The following COL14A1 variants were observed in gnomAD, a reference collection of about 807,000 sequenced individuals.
The protein encoded by COL14A1 is collagen type XIV alpha 1 chain.
A neutral mutation model predicts 230.3 loss-of-function variants in COL14A1; 136 were observed. The observed-to-expected ratio is 0.59, with a 90% CI of 0.51 to 0.68. COL14A1 has a LOEUF of 0.68. Ranked by LOEUF, COL14A1 falls within the 30% of genes least tolerant of loss-of-function variation. The probability of loss-of-function intolerance (pLI) is 0.00; values close to 1 mark genes in which losing one functional copy is unlikely to be tolerated. For missense variants in COL14A1, 1,976 were observed against 2,215.8 expected (o/e 0.89, Z 2.17); for synonymous variants, 792 against 784.1 (o/e 1.01, Z -0.17).
chr8:120,370,531 C>T (rs2130406008), intron 47 of COL14A1: 1 of 1,475,650 alleles, frequency 6.8e-7, no homozygotes, highest in Non-Finnish European at 8.9e-7. Context: ...AACCTCTTGC[C>T]CACTCTGCTC....
chr8:120,217,743 G>T (rs2130781219), intron 14 of COL14A1, among the ~76,000 whole-genome samples: 1 of 151,856 alleles, frequency 6.6e-6, no homozygotes, highest in African/African-American at 2.4e-5. Flanking sequence ...GCAGTAAAAA[G>T]ATTGAAATAA....
intron 23 of COL14A1, among the ~76,000 whole-genome samples, chr8:120,256,232 C>G (rs1819146367): frequency 6.6e-6 from 1 of 152,104 alleles, no homozygotes; most frequent in Non-Finnish European, 1.5e-5. Flanking sequence ...GGCAAATGAT[C>G]TTGGTTTCCC....
intron 1 of COL14A1, among the ~76,000 whole-genome samples, chr8:120,135,092 G>A (rs572839250): frequency 1.5e-4 from 23 of 152,152 alleles, no homozygotes; most frequent in Non-Finnish European, 3.4e-4. Context: ...AAGATGTGCA[G>A]TCATACTTTT....
At chr8:120,181,701 G>A (rs976305321) in intron 5 of COL14A1, among the ~76,000 whole-genome samples, 5 of 152,060 alleles carry the variant, frequency 3.3e-5, no homozygotes, top group African/African-American at 4.8e-5. Flanking sequence ...TTACAGAAAG[G>A]TTCTCCTGCA....
chr8:120,355,227 C>A lies in COL14A1; in HGVS notation c.5077+9664C>A, dbSNP rs180698315. Among the ~76,000 whole-genome samples, 479 of 152,322 alleles carry A rather than the reference C, an allele frequency of 3.1e-3. 3 individuals carry two copies. Among genetic ancestry groups the A allele is most frequent in the African/African-American group, 0.011 (447 of 41,570 alleles). ...TTTTCTTTTTCTGCTCTGTGCATAT[C>A]ATTCCCAGATGATTCATCTGTTTTT... On this transcript the variant is annotated intron_variant, in intron 45 of 47. Transcript: ENST00000297848.
chr8:120,199,776 G>A (rs1817166636), intron 8 of COL14A1, among the ~76,000 whole-genome samples: 1 of 152,090 alleles, frequency 6.6e-6, no homozygotes, highest in South Asian at 2.1e-4. Context: ...CCCATGGTGT[G>A]AGGATTTCTA....
chr8:120,345,321 CTCTT>C, intron 44 of COL14A1, 50 bp from the exon 45 acceptor site: 1 of 1,496,608 alleles, frequency 6.7e-7, no homozygotes. Context: ...CCCTGGTCCT[CTCTT>C]TCCTTGTGTG....
At chr8:120,139,134 A>T (rs1335348773) in intron 1 of COL14A1, among the ~76,000 whole-genome samples, 1 of 152,236 alleles carries the variant, frequency 6.6e-6, no homozygotes, top group Non-Finnish European at 1.5e-5. Flanking sequence ...AACTGATTAG[A>T]GTTCTGTTTT....
At chr8:120,284,308 C>T (rs1277455908) in intron 32 of COL14A1, among the ~76,000 whole-genome samples, 1 of 152,134 alleles carries the variant, frequency 6.6e-6, no homozygotes, top group African/African-American at 2.4e-5. Context: ...GAGAATAAGT[C>T]TGGAGGCTGG....
intron 45 of COL14A1, among the ~76,000 whole-genome samples, chr8:120,354,033 C>T (rs1822877454): frequency 2.4e-5 from 3 of 126,534 alleles, no homozygotes; most frequent in African/African-American, 9.6e-5. Context: ...AAATGTGGCA[C>T]ATATACACCA....
chr8:120,218,284 G>A (rs1264077236), intron 14 of COL14A1, among the ~76,000 whole-genome samples: 3 of 137,444 alleles, frequency 2.2e-5, no homozygotes, highest in African/African-American at 8.2e-5. Flanking sequence ...TATATAAATA[G>A]ATATATAATA....
At chr8:120,179,031 T>A (rs889866818) in intron 5 of COL14A1, among the ~76,000 whole-genome samples, 3 of 152,178 alleles carry the variant, frequency 2.0e-5, no homozygotes, top group Non-Finnish European at 4.4e-5. Flanking sequence ...CTGTTGCCTG[T>A]TCACTCTGAT....
intron 13 of COL14A1, among the ~76,000 whole-genome samples, chr8:120,213,782 T>C (rs908945464): frequency 3.9e-5 from 6 of 152,214 alleles, no homozygotes; most frequent in Non-Finnish European, 5.9e-5. Flanking sequence ...TCCTAGATAC[T>C]TGTTCCTGAG....
At chr8:120,287,852 A>T (rs1431479132) in intron 33 of COL14A1, among the ~76,000 whole-genome samples, 1 of 152,132 alleles carries the variant, frequency 6.6e-6, no homozygotes, top group Non-Finnish European at 1.5e-5. Context: ...ATGAATAAAT[A>T]CTTTATCTTA....
chr8:120,147,385 T>C (rs1815131986), intron 1 of COL14A1, among the ~76,000 whole-genome samples: 1 of 152,146 alleles, frequency 6.6e-6, no homozygotes, highest in African/African-American at 2.4e-5. Context: ...TCCTATATAT[T>C]TGTTCTTTGT....
At chr8:120,188,239 TG>T (rs928692894) in intron 5 of COL14A1, among the ~76,000 whole-genome samples, 47 of 152,032 alleles carry the variant, frequency 3.1e-4, no homozygotes, top group Non-Finnish European at 1.9e-4. Context: ...CCCACTATCA[TG>T]CCCAGCTAAT....
intron 34 of COL14A1, among the ~76,000 whole-genome samples, chr8:120,291,368 T>C (rs1472177444): frequency 6.6e-6 from 1 of 152,078 alleles, no homozygotes; most frequent in East Asian, 1.9e-4. Context: ...AAGACCGTCC[T>C]GTCTAACATG....
chr8:120,129,150 C>T (rs1405107919), intron 1 of COL14A1, among the ~76,000 whole-genome samples: 5 of 152,162 alleles, frequency 3.3e-5, no homozygotes, highest in South Asian at 2.1e-4. Context: ...GAATAATATG[C>T]TTTGGCAAAT....
At chr8:120,141,929 C>T (rs1287130621) in intron 1 of COL14A1, among the ~76,000 whole-genome samples, 1 of 152,116 alleles carries the variant, frequency 6.6e-6, no homozygotes, top group Non-Finnish European at 1.5e-5. Flanking sequence ...GTCAGAGTCT[C>T]ACTGAGTTGC....
Sources: gnomAD v4.1 joint callset for allele counts (sites outside exome capture counted in the v4.1 genomes callset) on GRCh38, gnomAD v4.1.1 for gene constraint, MANE v1.5 for transcripts, NCBI Gene and HGNC (gene_info 2026-07-23, HGNC 2026-07-21) for gene names.